DPP4: variants seen among roughly 807,000 people sequenced by gnomAD.
The protein encoded by DPP4 is ADCP-2.
A neutral mutation model predicts 122.4 loss-of-function variants in DPP4; 93 were observed. The observed-to-expected ratio is 0.76, with a 90% CI of 0.64 to 0.90. The LOEUF (loss-of-function observed/expected upper bound fraction) is 0.90. DPP4 is among the 40% of genes least tolerant of loss of function. The pLI, the probability that DPP4 is intolerant of heterozygous loss-of-function variation, is 0.00. For missense variants in DPP4, 914 were observed against 907.3 expected, an observed-to-expected ratio of 1.01 and a Z score of -0.09; for synonymous variants, 321 against 302.9, an observed-to-expected ratio of 1.06 and a Z score of -0.62.
At chr2:162,041,464 C>T (rs546995333) in intron 5 of DPP4, among the ~76,000 whole-genome samples, 1 of 152,224 alleles carries the variant, frequency 6.6e-6, no homozygotes, top group East Asian at 1.9e-4. Context: ...TATATAATAG[C>T]AGAGCTGAGA....
intron 23 of DPP4, among the ~76,000 whole-genome samples, chr2:161,998,588 T>C (rs1034450961): frequency 2.0e-5 from 3 of 152,178 alleles, no homozygotes; most frequent in Non-Finnish European, 4.4e-5. Flanking sequence ...GAAATGTCAT[T>C]GAAACATAGA....
At chr2:162,022,475 C>T (rs1243521222) in intron 12 of DPP4, among the ~76,000 whole-genome samples, 1 of 152,172 alleles carries the variant, frequency 6.6e-6, no homozygotes, top group East Asian at 1.9e-4. Context: ...GCCATGGTTA[C>T]CCTTTAACTT....
At chr2:162,022,063 TTAAG>T (rs1277245051) in intron 12 of DPP4, among the ~76,000 whole-genome samples, 1 of 152,182 alleles carries the variant, frequency 6.6e-6, no homozygotes, top group Non-Finnish European at 1.5e-5. Context: ...ATCATAAAAA[TTAAG>T]TGAGATTCAT....
At chr2:162,041,893 A>G (rs1359769439) in intron 5 of DPP4, among the ~76,000 whole-genome samples, 1 of 152,194 alleles carries the variant, frequency 6.6e-6, no homozygotes, top group Admixed American at 6.6e-5. Flanking sequence ...AGGATATGCA[A>G]TAGTAAATGA....
At position 161,993,222 on chromosome 2, in the gene DPP4, T is replaced by G; in HGVS notation, c.*61A>C. 39 of 1,277,834 alleles carry G rather than the reference T, an allele frequency of 3.1e-5. No individual in the cohort carries two copies. Among genetic ancestry groups the G allele is most frequent in the African/African-American group, 4.4e-5 (3 of 68,062 alleles). 79.2% of individuals were successfully genotyped at this position (1,277,834 alleles called of 1,614,324 possible). ...CATCATCATCTTGACAGTGCAGTTTTGAGATAATGAAAACAAAAATGAGTT... is the reference window on the plus strand; with the variant it reads ...CATCATCATCTTGACAGTGCAGTTTGGAGATAATGAAAACAAAAATGAGTT... On this transcript the variant is annotated 3_prime_UTR_variant, in exon 26 of 26. Transcript: ENST00000360534.
At position 162,038,297 on chromosome 2, in the gene DPP4, T is replaced by C. The variant is rs1224833677; in HGVS notation, c.613+5A>G. The C allele has an allele frequency of 6.5e-7, 1 of 1,549,144 alleles. No individual in the cohort carries two copies. Among genetic ancestry groups the C allele is most frequent in the African/African-American group, 1.4e-5 (1 of 70,524 alleles). The stretch of plus-strand genomic sequence containing the variant: ...TCTGATTTGAAAAAGCTTTAAAGTT[T>C]CTACCTTCATAAACCCAGTCAGTTA... On this transcript the variant is annotated splice_donor_5th_base_variant and intron_variant, in intron 8 of 25. Transcript: ENST00000360534.
intron 9 of DPP4, 56 bp downstream of exon 9, chr2:162,035,108 G>T: frequency 6.6e-7 from 1 of 1,525,172 alleles, no homozygotes. Flanking sequence ...GGGATTAAAT[G>T]AAACCATTCT....
chr2:162,061,024 C>T (rs1160513901), intron 2 of DPP4, among the ~76,000 whole-genome samples: 1 of 129,732 alleles, frequency 7.7e-6, no homozygotes, highest in African/African-American at 2.9e-5. Flanking sequence ...TTCCTTCCTT[C>T]CTTCCTTCCT....
At chr2:162,071,960 C>T (rs1333491883) in intron 2 of DPP4, among the ~76,000 whole-genome samples, 1 of 152,168 alleles carries the variant, frequency 6.6e-6, no homozygotes, top group Non-Finnish European at 1.5e-5. Context: ...TCCAGCGATG[C>T]TGTGATGCCT....
In DPP4 at chr2:162,008,612, A is replaced by C. The variant is rs1423481634; in HGVS notation, c.1937T>G (p.Val646Gly). The change falls in exon 22 of 26, where the codon GTG (valine) becomes GGG (glycine). Residue 646 changes from valine (V) to glycine (G), a missense_variant. By Grantham distance (109) the Val-to-Gly change is moderately radical. Transcript: ENST00000360534. ...TSMVLGSGSG[V>G]FKCGIAVAPV... ...CGCCACGGCTATTCCACACTTGAAC[A>C]CGCCACTTCCCGATCCCAGGACCAT... 6.2e-7 allele frequency: 1 copy of C among 1,613,586 alleles called. No homozygotes were observed. Among genetic ancestry groups the C allele is most frequent in the African/African-American group, 1.3e-5 (1 of 74,930 alleles).
intron 9 of DPP4, among the ~76,000 whole-genome samples, chr2:162,034,712 T>C (rs1336894546): frequency 6.6e-6 from 1 of 152,204 alleles, no homozygotes; most frequent in Non-Finnish European, 1.5e-5. Context: ...ATGAAAAATT[T>C]ACATTAGTGC....
Position 162,038,962 on chromosome 2 carries a change from A to C in DPP4, c.479T>G (p.Val160Gly), listed in dbSNP as rs773203272. The change falls in exon 7 of 26, where the codon GTG becomes GGG. Residue 160 changes from valine (V) to glycine (G), a missense_variant. Physicochemically the swap from Val to Gly is moderately radical, Grantham distance 109. Coordinates refer to ENST00000360534, the MANE Select transcript of DPP4 (RefSeq NM_001935.4). ...AGACTCACTAACCAATTTATGACCC[A>C]CTGGTGACCATGTGACCCACTGTGT... ...NNTQWVTWSPVGHKLAYVWNN... is the reference protein window; with the variant it reads ...NNTQWVTWSPGGHKLAYVWNN... The C allele has an allele frequency of 1.9e-6, 3 of 1,613,252 alleles. No individual in the cohort carries two copies. The African/African-American group carries it at 4.0e-5, about 22-fold the overall frequency.
intron 23 of DPP4, among the ~76,000 whole-genome samples, chr2:161,997,408 A>T (rs1402543937): frequency 2.0e-5 from 3 of 152,198 alleles, no homozygotes; most frequent in Non-Finnish European, 4.4e-5. Flanking sequence ...CTAAATGATA[A>T]GATCCATAAG....
intron 10 of DPP4, among the ~76,000 whole-genome samples, chr2:162,026,951 C>A (rs2106109870): frequency 6.6e-6 from 1 of 152,276 alleles, no homozygotes; most frequent in Admixed American, 6.5e-5. Context: ...TCTGTCACTA[C>A]TCCACTCTGC....
chr2:162,028,227 T>C lies in DPP4; in HGVS notation c.888-3288A>G, dbSNP rs1683411393. 3.3e-5 allele frequency among the ~76,000 whole-genome samples: 5 copies of C among 151,912 alleles called. No homozygotes were observed. The South Asian group carries it at 1.0e-3, about 32-fold the overall frequency. On this transcript the variant is annotated intron_variant, in intron 10 of 25. Transcript: ENST00000360534. ...AAATACAAAAATTAGTCAGGCATGG[T>C]GGGGCGCATCTGTAATCCCAGCTAC...
chr2:162,018,476 G>A (rs745464795), intron 16 of DPP4, among the ~76,000 whole-genome samples: 1 of 152,164 alleles, frequency 6.6e-6, no homozygotes, highest in African/African-American at 2.4e-5. Flanking sequence ...TGTATTTAAC[G>A]CTGAAGTGCT....
chr2:162,016,819 T>C lies in DPP4; in HGVS notation c.1516A>G (p.Asn506Asp). 6.2e-7 allele frequency: 1 copy of C among 1,613,344 alleles called. No homozygotes were observed. Among genetic ancestry groups the C allele is most frequent in the Non-Finnish European group, 8.5e-7 (1 of 1,179,812 alleles). The change falls in exon 18 of 26, where the codon AAT becomes GAT. Residue 506 changes from asparagine (N) to aspartate (D), a missense_variant. By Grantham distance (23) the Asn-to-Asp change is conservative. Coordinates refer to ENST00000360534, the MANE Select transcript of DPP4 (RefSeq NM_001935.4). ...AGTTTTTTGGAGGGCATCTGGACATTCTGCAGCATTTTATCCAAAGCTGAA... is the reference window on the plus strand; with the variant it reads ...AGTTTTTTGGAGGGCATCTGGACATCCTGCAGCATTTTATCCAAAGCTGAA... The part of the protein sequence containing the change: ...DNSALDKMLQ[N>D]VQMPSKKLDF...
rs944989760 is a variant in DPP4, at chr2:161,992,467, T to C, written c.*816A>G. On this transcript the variant is annotated 3_prime_UTR_variant, in exon 26 of 26. Coordinates refer to ENST00000360534, the MANE Select transcript of DPP4 (RefSeq NM_001935.4). ...GATTTGTGATACAAATATTTTCATC[T>C]TTTAACAGGGCAAGCTGATGTGTTC... 6.6e-6 allele frequency: 1 copy of C among 152,664 alleles called. No individual in the cohort carries two copies. Among genetic ancestry groups the C allele is most frequent in the Non-Finnish European group, 1.5e-5 (1 of 68,038 alleles). The allele number at this position is 152,664 out of a possible 1,614,324, so 9.5% of individuals were successfully genotyped here.
At position 162,033,659 on chromosome 2, in the gene DPP4, A is replaced by T. The variant is rs765981399; in HGVS notation, c.775-6T>A. 10 of 1,594,406 alleles carry T rather than the reference A, an allele frequency of 6.3e-6. No individual in the cohort carries two copies. Among genetic ancestry groups the T allele is most frequent in the Non-Finnish European group, 8.5e-6 (10 of 1,170,380 alleles). ...GTTGGATTCACAGCTCCTGCCTAGGAAAAAATAATCACAGAATTGGTATTG... is the reference window on the plus strand; with the variant it reads ...GTTGGATTCACAGCTCCTGCCTAGGTAAAAATAATCACAGAATTGGTATTG... On this transcript the variant is annotated splice_region_variant and splice_polypyrimidine_tract_variant and intron_variant, in intron 9 of 25. Coordinates refer to ENST00000360534, the MANE Select transcript of DPP4 (RefSeq NM_001935.4).
Sources: allele counts gnomAD v4.1 joint callset (sites outside exome capture counted in the v4.1 genomes callset), GRCh38; gene constraint gnomAD v4.1.1; transcripts MANE v1.5; gene names NCBI Gene and HGNC (gene_info 2026-07-23, HGNC 2026-07-21).